The following XIRP2 variants were observed in gnomAD, a reference collection of about 807,000 sequenced individuals.
XIRP2 encodes the protein xin actin binding repeat containing 2, also known as xin actin-binding repeat-containing protein 2.
XIRP2 carries 236 observed loss-of-function variants against 277.0 expected under a neutral mutation model. That is an observed-to-expected ratio of 0.85 (90% confidence interval 0.77 to 0.95). XIRP2 has a LOEUF of 0.95. XIRP2 is among the 40% of genes least tolerant of loss of function. XIRP2 has a pLI of 0.00. For synonymous variants in XIRP2, 1,490 were observed against 1,416.5 expected, an observed-to-expected ratio of 1.05 and a Z score of -1.17; for missense variants, 4,640 against 4,157.5, an observed-to-expected ratio of 1.12 and a Z score of -3.19.
At chr2:167,135,082 T>C (rs1691504932) in intron 2 of XIRP2, among the ~76,000 whole-genome samples, 1 of 152,200 alleles carries the variant, frequency 6.6e-6, no homozygotes, top group South Asian at 2.1e-4. Context: ...CTTTAACTTA[T>C]GTGTAGCTGT....
At chr2:167,226,806 C>A (rs75654491) in intron 5 of XIRP2, among the ~76,000 whole-genome samples, 24 of 152,226 alleles carry the variant, frequency 1.6e-4, no homozygotes, top group African/African-American at 5.5e-4. Context: ...AACAGGGCAT[C>A]TTTTCCAAGC....
In XIRP2 at chr2:167,259,527, T is replaced by A. The variant is rs1015050442; in HGVS notation, c.*1710T>A. ...GGGATATTTCTTGTATTACACCTTG[T>A]CATTTTTTTCACAATTTATTTACAT... On this transcript the variant is annotated 3_prime_UTR_variant, in exon 11 of 11. Transcript: ENST00000409195. The A allele has an allele frequency of 3.3e-6, 2 of 604,918 alleles. No homozygotes were observed. Among genetic ancestry groups the A allele is most frequent in the African/African-American group, 3.8e-5 (2 of 52,158 alleles). The allele number at this position is 604,918 out of a possible 1,614,324, so 37.5% of individuals were successfully genotyped here.
In XIRP2 at chr2:167,155,151, G is replaced by T. The variant is rs533844858; in HGVS notation, c.562+19089G>T. On this transcript the variant is annotated intron_variant, in intron 3 of 10. Transcript: ENST00000409195. ...TCCAGGACCAGATGGATTCACAGCC[G>T]AATTCTACCAGAGGTACAAGGAGGA... 3.6e-3 allele frequency among the ~76,000 whole-genome samples: 545 copies of T among 149,986 alleles called. 9 individuals are homozygous for T. The highest frequency in any genetic ancestry group is 0.013 in the African/African-American group (517 of 40,542).
chr2:167,056,316 T>G (rs1032721518), intron 2 of XIRP2, among the ~76,000 whole-genome samples: 1 of 152,174 alleles, frequency 6.6e-6, no homozygotes, highest in African/African-American at 2.4e-5. Flanking sequence ...AATTACTTTT[T>G]TACAGATACA....
intron 2 of XIRP2, among the ~76,000 whole-genome samples, chr2:166,954,698 G>C (rs1686119749): frequency 1.3e-5 from 2 of 151,950 alleles, no homozygotes; most frequent in African/African-American, 4.8e-5. Context: ...ACTGGATAAA[G>C]AAAATGTAGT....
chr2:167,201,244 A>AGAGAGAGGG (rs1559018317), intron 3 of XIRP2, among the ~76,000 whole-genome samples: 38 of 90,790 alleles, frequency 4.2e-4, no homozygotes, highest in African/African-American at 1.8e-3. Context: ...GAAAGAAAGA[A>AGAGAGAGGG]AGAAAGAAAG....
intron 3 of XIRP2, among the ~76,000 whole-genome samples, chr2:167,155,767 A>G (rs2105335777): frequency 6.6e-6 from 1 of 151,970 alleles, no homozygotes; most frequent in East Asian, 1.9e-4. Context: ...CAGGAGAAGG[A>G]AATAAAGGGT....
chr2:167,205,751 T>C (rs926626325), intron 3 of XIRP2, among the ~76,000 whole-genome samples: 3 of 152,216 alleles, frequency 2.0e-5, no homozygotes, highest in African/African-American at 7.2e-5. Context: ...TTGCACATGG[T>C]ACACCATTAG....
At chr2:166,951,834 G>C (rs923134616) in intron 2 of XIRP2, among the ~76,000 whole-genome samples, 2 of 151,966 alleles carry the variant, frequency 1.3e-5, no homozygotes, top group Admixed American at 6.6e-5. Flanking sequence ...CTCCTAACGA[G>C]CACATGCTTT....
chr2:167,253,293 G>A (rs1695567447), intron 9 of XIRP2, among the ~76,000 whole-genome samples: 1 of 151,892 alleles, frequency 6.6e-6, no homozygotes, highest in Non-Finnish European at 1.5e-5. Context: ...TTACAGGAAA[G>A]CCACAGGAAG....
At chr2:167,068,697 C>T (rs900055136) in intron 2 of XIRP2, among the ~76,000 whole-genome samples, 2 of 151,674 alleles carry the variant, frequency 1.3e-5, no homozygotes, top group African/African-American at 4.9e-5. Flanking sequence ...GCTCATTTGG[C>T]TCAAAGGCCA....
chr2:167,256,464 C>T (rs1695660998), intron 10 of XIRP2, among the ~76,000 whole-genome samples: 1 of 151,636 alleles, frequency 6.6e-6, no homozygotes, highest in Non-Finnish European at 1.5e-5. Flanking sequence ...TGGCACCTCA[C>T]TTATGAGATT....
intron 2 of XIRP2, among the ~76,000 whole-genome samples, chr2:166,994,469 G>A (rs1417930975): frequency 4.4e-5 from 5 of 114,324 alleles, no homozygotes; most frequent in South Asian, 3.3e-4. Context: ...CTAAAACTTA[G>A]AGTATAATAA....
intron 2 of XIRP2, among the ~76,000 whole-genome samples, chr2:167,060,555 C>G (rs1027577155): frequency 6.6e-6 from 1 of 152,044 alleles, no homozygotes. Context: ...GAGGTTCATT[C>G]TTTTGAGTAT....
At chr2:166,948,492 A>T (rs1685942115) in intron 2 of XIRP2, among the ~76,000 whole-genome samples, 1 of 152,112 alleles carries the variant, frequency 6.6e-6, no homozygotes, top group African/African-American at 2.4e-5. Context: ...AGATACGTCA[A>T]ACCCACTTTA....
At chr2:167,165,552 G>A (rs1037434393) in intron 3 of XIRP2, among the ~76,000 whole-genome samples, 1 of 152,210 alleles carries the variant, frequency 6.6e-6, no homozygotes, top group Non-Finnish European at 1.5e-5. Context: ...TGGGTGTATA[G>A]TGTTCTCTCA....
intron 1 of XIRP2, among the ~76,000 whole-genome samples, chr2:166,890,782 C>G (rs929885686): frequency 5.9e-5 from 9 of 152,108 alleles, no homozygotes; most frequent in African/African-American, 2.2e-4. Flanking sequence ...CAAATTTCTT[C>G]TTTTGTTAAA....
intron 2 of XIRP2, among the ~76,000 whole-genome samples, chr2:167,105,913 G>A (rs953685437): frequency 6.6e-6 from 1 of 151,570 alleles, no homozygotes; most frequent in African/African-American, 2.4e-5. Flanking sequence ...TAATGACGTT[G>A]AACATCTTTT....
intron 2 of XIRP2, among the ~76,000 whole-genome samples, chr2:166,937,365 G>A (rs571069143): frequency 3.3e-5 from 5 of 152,210 alleles, no homozygotes; most frequent in Non-Finnish European, 7.4e-5. Flanking sequence ...TTGGTCTTTG[G>A]TTCTGTTTAT....
Sources: allele counts gnomAD v4.1 joint callset (sites outside exome capture counted in the v4.1 genomes callset), GRCh38; gene constraint gnomAD v4.1.1; transcripts MANE v1.5; gene names NCBI Gene and HGNC (gene_info 2026-07-23, HGNC 2026-07-21).